PTK7: variants seen among roughly 807,000 people sequenced by gnomAD.
The protein encoded by PTK7 is protein tyrosine kinase 7 (inactive).
A neutral mutation model predicts 116.6 loss-of-function variants in PTK7; 39 were observed. The ratio of observed to expected loss-of-function variants is 0.33; its 90% confidence interval spans 0.26 to 0.44. The LOEUF (loss-of-function observed/expected upper bound fraction) is 0.44, where lower values mean the gene tolerates loss of function less well. Among genes scored for constraint, PTK7 ranks in the 20% least tolerant of loss-of-function variants. PTK7 has a pLI of 1.00. For synonymous variants in PTK7, 546 were observed against 563.6 expected (o/e 0.97, Z 0.44); for missense variants, 1,169 against 1,425.6 (o/e 0.82, Z 2.90).
At chr6:43,157,337 TATATATATATATATATATA>T (rs1771500514) in intron 17 of PTK7, among the ~76,000 whole-genome samples, 1 of 1,680 alleles carries the variant, frequency 6.0e-4, no homozygotes, top group East Asian at 7.8e-3. Context: ...TATATATATA[TATATATATATATATATATA>T]TATATATATT....
chr6:43,091,034 C>G (rs745881053), intron 1 of PTK7, among the ~76,000 whole-genome samples: 1 of 152,182 alleles, frequency 6.6e-6, no homozygotes, highest in Non-Finnish European at 1.5e-5. Flanking sequence ...CTGGCTGCCC[C>G]CTCCTTGCTC....
intron 1 of PTK7, among the ~76,000 whole-genome samples, chr6:43,127,369 C>T (rs1006771997): frequency 6.6e-6 from 1 of 152,238 alleles, no homozygotes; most frequent in Non-Finnish European, 1.5e-5. Context: ...TGTGTTGCTC[C>T]TGCCGCCGCC....
At chr6:43,149,059 C>CAACA (rs1491108402) in intron 17 of PTK7, among the ~76,000 whole-genome samples, 1 of 69,834 alleles carries the variant, frequency 1.4e-5, no homozygotes, top group Non-Finnish European at 2.7e-5. Flanking sequence ...GACTTTGTCT[C>CAACA]AAAAAAAAAA....
Position 43,141,790 on chromosome 6 carries a change from C to T in PTK7, c.1741C>T (p.Arg581Cys), listed in dbSNP as rs1290527344. 1.9e-6 allele frequency: 3 copies of T among 1,614,048 alleles called. No homozygotes were observed. Among genetic ancestry groups the T allele is most frequent in the Non-Finnish European group, 1.7e-6 (2 of 1,180,020 alleles). ...IASNGPQGQI[R>C]AHVQLTVAVF... ...CTCCAACGGGCCGCAGGGCCAGATT[C>T]GTGCCCATGTCCAGCTCACTGTGGC... Residue 581 changes from arginine (R) to cysteine (C), a missense_variant, in exon 11 of 20, where the codon CGT (arginine) becomes TGT (cysteine). Transcript: ENST00000230419. The surrounding 1 kb of genome is among the most constrained non-coding windows in gnomAD (Gnocchi z 4.9).
intron 1 of PTK7, among the ~76,000 whole-genome samples, chr6:43,083,965 TTGA>T (rs1766515364): frequency 6.6e-6 from 1 of 152,158 alleles, no homozygotes; most frequent in Non-Finnish European, 1.5e-5. Flanking sequence ...CACCAAAGTA[TTGA>T]TGAAAAGTTT....
At chr6:43,144,372 C>A (rs780657935) in intron 14 of PTK7, 79 bp from the exon 15 acceptor site, 8 of 1,574,610 alleles carry the variant, frequency 5.1e-6, no homozygotes, top group Non-Finnish European at 7.0e-6. Context: ...GAGTGGAAGA[C>A]CAGGGGACAG....
At chr6:43,101,520 C>G (rs996351614) in intron 1 of PTK7, among the ~76,000 whole-genome samples, 3 of 151,158 alleles carry the variant, frequency 2.0e-5, no homozygotes, top group Admixed American at 1.3e-4. Flanking sequence ...CCACTGCACT[C>G]CAGCCTGGGT....
chr6:43,117,024 A>G (rs1303106688), intron 1 of PTK7, among the ~76,000 whole-genome samples: 1 of 151,972 alleles, frequency 6.6e-6, no homozygotes, highest in Non-Finnish European at 1.5e-5. Context: ...GGGTTTCACC[A>G]TGTTGCCCAG....
intron 1 of PTK7, among the ~76,000 whole-genome samples, chr6:43,126,690 G>A (rs911059286): frequency 6.6e-6 from 1 of 152,228 alleles, no homozygotes; most frequent in East Asian, 1.9e-4. Flanking sequence ...CTATTTGATC[G>A]TGGGCAGATT....
At chr6:43,125,200 C>T (rs1769217624) in intron 1 of PTK7, among the ~76,000 whole-genome samples, 1 of 152,168 alleles carries the variant, frequency 6.6e-6, no homozygotes, top group Non-Finnish European at 1.5e-5. Flanking sequence ...AAAAAAGAAA[C>T]ATCTAAAGTC....
intron 1 of PTK7, among the ~76,000 whole-genome samples, chr6:43,084,410 T>C (rs1234328730): frequency 6.6e-6 from 1 of 152,216 alleles, no homozygotes; most frequent in African/African-American, 2.4e-5. Context: ...GCCAAAGTGT[T>C]GGGATTACAG....
Position 43,084,392 on chromosome 6 carries a change from C to T in PTK7, c.79+7825C>T, listed in dbSNP as rs541523367. On this transcript the variant is annotated intron_variant, in intron 1 of 19. Coordinates refer to ENST00000230419, the MANE Select transcript of PTK7 (RefSeq NM_002821.5). ...TCCTGGGCTCAAGCTATCCTTCTGC[C>T]TCTGCTTGCCAAAGTGTTGGGATTA... Among the ~76,000 whole-genome samples the T allele has an allele frequency of 2.6e-5, 4 of 152,278 alleles. No individual in the cohort carries two copies. The East Asian group carries it at 7.7e-4, about 29-fold the overall frequency.
intron 1 of PTK7, among the ~76,000 whole-genome samples, chr6:43,107,903 A>G (rs960659694): frequency 3.3e-5 from 5 of 152,234 alleles, no homozygotes; most frequent in Non-Finnish European, 5.9e-5. Context: ...CAGGAAGCTT[A>G]GAATCTAGTG....
At chr6:43,152,497 C>T (rs1582217111) in intron 17 of PTK7, among the ~76,000 whole-genome samples, 3 of 152,196 alleles carry the variant, frequency 2.0e-5, no homozygotes, top group Non-Finnish European at 2.9e-5. Flanking sequence ...ACTGCACTCC[C>T]GCCTGGGCGA....
chr6:43,144,981 G>A, intron 15 of PTK7: 1 of 443,608 alleles, frequency 2.3e-6, no homozygotes. Flanking sequence ...ATTCTCATGC[G>A]AGTCACCCTT....
intron 1 of PTK7, among the ~76,000 whole-genome samples, chr6:43,118,643 CTCTCTCTCTCTCTCTCTATATA>C (rs1768718847): frequency 1.2e-5 from 1 of 84,500 alleles, no homozygotes; most frequent in Non-Finnish European, 2.2e-5. Context: ...CTCTCTCTCT[CTCTCTCTCTCTCTCTCTATATA>C]TATATATATA....
chr6:43,118,084 G>GC (rs1477504061), intron 1 of PTK7, among the ~76,000 whole-genome samples: 3 of 149,624 alleles, frequency 2.0e-5, no homozygotes, highest in Non-Finnish European at 4.4e-5. Flanking sequence ...GCAGCCAGAA[G>GC]CAGGTGGTCA....
At chr6:43,117,737 C>A (rs928429101) in intron 1 of PTK7, among the ~76,000 whole-genome samples, 1 of 151,958 alleles carries the variant, frequency 6.6e-6, no homozygotes, top group African/African-American at 2.4e-5. Flanking sequence ...ATCAGGAGTT[C>A]GAGACCAGCC....
chr6:43,099,089 A>G (rs1019511794), intron 1 of PTK7, among the ~76,000 whole-genome samples: 7 of 151,912 alleles, frequency 4.6e-5, no homozygotes, highest in African/African-American at 1.7e-4. Context: ...TAAAATAGAT[A>G]AGTCATTTAG....
Sources: gnomAD v4.1 joint callset for allele counts (sites outside exome capture counted in the v4.1 genomes callset) on GRCh38, gnomAD v4.1.1 for gene constraint, Gnocchi (gnomAD v3.1) non-coding constraint, MANE v1.5 for transcripts, NCBI Gene and HGNC (gene_info 2026-07-23, HGNC 2026-07-21) for gene names.